Variants in LETMD1 observed in about 807,000 individuals in gnomAD.
The protein encoded by LETMD1 is LETM1 domain containing 1.
Under a neutral mutation model 43.9 loss-of-function variants are expected in LETMD1, and 30 were observed. The ratio of observed to expected loss-of-function variants is 0.68; its 90% CI spans 0.51 to 0.93. LETMD1 has a LOEUF of 0.93. Ranked by LOEUF, LETMD1 falls within the 40% of genes least tolerant of loss-of-function variation. The pLI is 0.00. For missense variants in LETMD1, 413 were observed against 447.7 expected, an observed-to-expected ratio of 0.92 and a Z score of 0.70; for synonymous variants, 176 against 163.1, an observed-to-expected ratio of 1.08 and a Z score of -0.60.
intron 2 of LETMD1, 126 bp downstream of exon 2, chr12:51,049,311 A>C: frequency 1.3e-6 from 1 of 791,060 alleles, no homozygotes; most frequent in Non-Finnish European, 2.0e-6. Flanking sequence ...ATATTTCATA[A>C]ATGCCTGCGC....
At chr12:51,048,856 G>T in intron 1 of LETMD1, 178 bp from the exon 2 acceptor site, 1 of 646,686 alleles carries the variant, frequency 1.5e-6, no homozygotes, top group South Asian at 2.1e-5. Context: ...GCCTTTGCCT[G>T]ATTTGTGTTT....
At chr12:51,054,562 G>C (rs1486690866) in intron 4 of LETMD1, among the ~76,000 whole-genome samples, 2 of 152,198 alleles carry the variant, frequency 1.3e-5, no homozygotes, top group East Asian at 3.8e-4. Flanking sequence ...GCAGCCTCAA[G>C]ATAGTGGGAC....
At chr12:51,050,614 G>A (rs1271961240) in intron 2 of LETMD1, among the ~76,000 whole-genome samples, 1 of 152,070 alleles carries the variant, frequency 6.6e-6, no homozygotes, top group Non-Finnish European at 1.5e-5. Context: ...CATAACTCAT[G>A]GCTGCCAATC....
At chr12:51,056,527 C>T (rs1291774077) in intron 7 of LETMD1, 25 bp downstream of exon 7, 4 of 1,613,804 alleles carry the variant, frequency 2.5e-6, no homozygotes, top group Non-Finnish European at 3.4e-6. Flanking sequence ...GCAACATCAA[C>T]CCTCAACCCT....
At chr12:51,049,768 C>G (rs1298311074) in intron 2 of LETMD1, among the ~76,000 whole-genome samples, 1 of 152,176 alleles carries the variant, frequency 6.6e-6, no homozygotes, top group Non-Finnish European at 1.5e-5. Flanking sequence ...ACCCCTCTTT[C>G]CTTGGTTTTC....
At chr12:51,062,792 CAA>C (rs1042291532), downstream of LETMD1, 2 of 152,348 alleles carry the variant, frequency 1.3e-5, no homozygotes, top group African/African-American at 2.4e-5. Context: ...TCAGATCTCA[CAA>C]AGAGGGAAAA....
Position 51,049,028 on chromosome 12 carries a change from T to C in LETMD1, c.123-6T>C, listed in dbSNP as rs746606582. 2.5e-6 allele frequency: 4 copies of C among 1,613,524 alleles called. No homozygotes were observed. The highest frequency in any genetic ancestry group is 3.4e-6 in the Non-Finnish European group (4 of 1,179,686). On this transcript the variant is annotated splice_polypyrimidine_tract_variant and splice_region_variant and intron_variant, in intron 1 of 8. Coordinates refer to ENST00000262055, the MANE Select transcript of LETMD1 (RefSeq NM_015416.5). ...TCCCAGATAGTCTCTTTGATCTTCC[T>C]TGTAGGTCTTCAAAGCTTCACCTTT...
chr12:51,052,661 A>G (rs1946495670), intron 3 of LETMD1, among the ~76,000 whole-genome samples: 1 of 151,282 alleles, frequency 6.6e-6, no homozygotes, highest in South Asian at 2.1e-4. Context: ...GGCGCCTGTA[A>G]TCCCAGCTAC....
At position 51,059,396 on chromosome 12, in the gene LETMD1, C is replaced by T; in HGVS notation, c.1048C>T (p.Leu350=). Residue 350 remains leucine, a synonymous_variant, in exon 9 of 9, where the codon CTG becomes TTG. Coordinates refer to ENST00000262055, the MANE Select transcript of LETMD1 (RefSeq NM_015416.5). ...GTCTCTCTTGCTGCACAACGTGGTC[C>T]TGCTCTCCACCAACTACCTTGGGAC... is the stretch of plus-strand genomic sequence containing the variant. ...ELSLLLHNVV[L]LSTNYLGTRR 1.2e-6 allele frequency: 2 copies of T among 1,614,218 alleles called. No homozygotes were observed. Among genetic ancestry groups the T allele is most frequent in the Non-Finnish European group, 1.7e-6 (2 of 1,180,026 alleles).
In LETMD1 at chr12:51,048,471, G is replaced by T. The variant is rs772013783; in HGVS notation, c.115G>T (p.Ala39Ser). ...QLGRSGLAWG[A>S]PRSSKLHLSP... Reference sequence around the variant, plus strand: ...TGGTCGCTCTGGCCTGGCTTGGGGGGCCCCTCGGTGAGGGACCTGTAGCGA... The same window carrying T: ...TGGTCGCTCTGGCCTGGCTTGGGGGTCCCCTCGGTGAGGGACCTGTAGCGA... Residue 39 changes from alanine (A) to serine (S), a missense_variant, in exon 1 of 9, where the codon GCC (alanine) becomes TCC (serine). By Grantham distance (99) the Ala-to-Ser change is moderately conservative (BLOSUM62 1). Transcript: ENST00000262055. 3 of 1,613,346 alleles carry T rather than the reference G, an allele frequency of 1.9e-6. No individual in the cohort carries two copies. The highest frequency in any genetic ancestry group is 2.5e-6 in the Non-Finnish European group (3 of 1,179,994).
chr12:51,059,698 G>C lies in LETMD1; in HGVS notation c.*267G>C. 2 of 468,476 alleles carry C rather than the reference G, an allele frequency of 4.3e-6. No homozygotes were observed. The highest frequency in any genetic ancestry group is 7.9e-6 in the Non-Finnish European group (2 of 252,616). The allele number at this position is 468,476 out of a possible 1,614,324, so 29.0% of individuals were successfully genotyped here. ...CTCATAATTACTAATAGCTGGAACT[G>C]GCAGCAGCCTCTACTGGGCTTTTAC... On this transcript the variant is annotated 3_prime_UTR_variant, in exon 9 of 9. Transcript: ENST00000262055.
At chr12:51,048,661 C>G in intron 1 of LETMD1, 183 bp downstream of exon 1, 1 of 706,210 alleles carries the variant, frequency 1.4e-6, no homozygotes, top group Non-Finnish European at 2.3e-6. Flanking sequence ...CCTCTGTACT[C>G]TCAGTGCCCC....
At chr12:51,052,417 T>C (rs940025066) in intron 3 of LETMD1, 1 of 515,312 alleles carries the variant, frequency 1.9e-6, no homozygotes, top group African/African-American at 2.0e-5. Context: ...AAGAGCTCCA[T>C]AGAATTTCTG....
rs927927605 is a variant in LETMD1 at position 51,058,060 on chromosome 12, C to T, written c.944C>T (p.Thr315Met). 6.8e-6 allele frequency: 11 copies of T among 1,613,218 alleles called. No homozygotes were observed. The highest frequency in any genetic ancestry group is 2.7e-5 in the African/African-American group (2 of 74,874). The change falls in exon 8 of 9, where the codon ACG becomes ATG. Residue 315 changes from threonine to methionine, a missense_variant. Thr to Met is a moderately conservative substitution (Grantham distance 81). Coordinates refer to ENST00000262055, the MANE Select transcript of LETMD1 (RefSeq NM_015416.5). ...SACYLRGLNS[T>M]HIGEDRCRTW... ...TGTTATCTCCGTGGCCTGAATTCTA[C>T]GCATATTGGTGAAGATAGGTGTCGA...
Position 51,049,186 on chromosome 12 carries a change from G to A in LETMD1, c.274+1G>A. 1.2e-6 allele frequency: 2 copies of A among 1,606,236 alleles called. No individual in the cohort carries two copies. Among genetic ancestry groups the A allele is most frequent in the Non-Finnish European group, 1.7e-6 (2 of 1,176,000 alleles). ...GTCCTGTACACAATCTTCATGAAAG[G>A]TAAAAACGAAACTACAATAGAAATT... On this transcript the variant is annotated splice_donor_variant, in intron 2 of 8. Transcript: ENST00000262055. LOFTEE classifies it high-confidence loss of function.
chr12:51,049,604 G>A (rs55987825), intron 2 of LETMD1, among the ~76,000 whole-genome samples: 21,801 of 152,148 alleles, frequency 0.14, 2,035 homozygotes, highest in East Asian at 0.5. Context: ...AGTGGCAATA[G>A]CCCTACATAA....
At position 51,060,266 on chromosome 12, in the gene LETMD1, G is replaced by A. The variant is rs1157199896; in HGVS notation, c.*835G>A. The A allele has an allele frequency of 6.5e-6, 1 of 152,804 alleles. No homozygotes were observed. Among genetic ancestry groups the A allele is most frequent in the East Asian group, 1.9e-4 (1 of 5,190 alleles). 9.5% of individuals were successfully genotyped at this position (152,804 alleles called of 1,614,324 possible). ...CCTGTAAGGTACTAATTACTGCCCA[G>A]CCTGGGGAGATCAGGAGAGGTCTGC... On this transcript the variant is annotated 3_prime_UTR_variant, in exon 9 of 9. Transcript: ENST00000262055.
chr12:51,058,170 A>C lies in LETMD1; in HGVS notation c.1012+42A>C, dbSNP rs1309357308. The C allele has an allele frequency of 3.2e-6, 4 of 1,257,906 alleles. No homozygotes were observed. In the Admixed American group the frequency reaches 6.7e-5, roughly 21 times the overall value. The allele number at this position is 1,257,906 out of a possible 1,614,324, so 77.9% of individuals were successfully genotyped here. A position where few individuals can be genotyped will look rare whatever the true frequency, so the allele number is the denominator to read the frequency against. On this transcript the variant is annotated intron_variant, in intron 8 of 8. Coordinates refer to ENST00000262055, the MANE Select transcript of LETMD1 (RefSeq NM_015416.5). ...TGGTTATACCACTAAAATCCAAGTC[A>C]CTTTTGTATTTTATTCTGAGGTCAT...
intron 7 of LETMD1, 30 bp downstream of exon 7, chr12:51,056,532 A>G (rs1221741316): frequency 6.2e-7 from 1 of 1,613,664 alleles, no homozygotes; most frequent in Admixed American, 1.7e-5. Flanking sequence ...ATCAACCCTC[A>G]ACCCTTGGTG....
Sources: gnomAD v4.1 joint callset for allele counts (sites outside exome capture counted in the v4.1 genomes callset) on GRCh38, gnomAD v4.1.1 for gene constraint, MANE v1.5 for transcripts, NCBI Gene and HGNC (gene_info 2026-07-23, HGNC 2026-07-21) for gene names.